The following TMEM94 variants were observed in gnomAD, a reference collection of about 807,000 sequenced individuals.
The protein encoded by TMEM94 is transmembrane protein 94, also known as ER Mg2+ ATPase.
A neutral mutation model predicts 158.6 loss-of-function variants in TMEM94; 81 were observed. The ratio of observed to expected loss-of-function variants is 0.51; its 90% CI spans 0.43 to 0.61. The LOEUF is 0.61. TMEM94 is among the 20% of genes least tolerant of loss of function. The probability of loss-of-function intolerance (pLI) is 0.00; values close to 1 mark genes in which losing one functional copy is unlikely to be tolerated. For synonymous variants in TMEM94, 751 were observed against 730.7 expected (o/e 1.03, Z -0.45); for missense variants, 1,435 against 1,762.0 (o/e 0.81, Z 3.32).
At chr17:75,476,303 G>C (rs539645224) in intron 2 of TMEM94, among the ~76,000 whole-genome samples, 4 of 152,132 alleles carry the variant, frequency 2.6e-5, no homozygotes, top group Non-Finnish European at 5.9e-5. Flanking sequence ...GTGCCCCTCA[G>C]CTAACCCCAC....
chr17:75,470,340 C>T (rs985981212), intron 1 of TMEM94, among the ~76,000 whole-genome samples: 2 of 151,792 alleles, frequency 1.3e-5, no homozygotes, highest in African/African-American at 2.4e-5. Flanking sequence ...ATAGGCTGGG[C>T]GTGGTGGCTC....
At chr17:75,486,501 A>G in intron 5 of TMEM94, 75 bp downstream of exon 5, 1 of 1,580,956 alleles carries the variant, frequency 6.3e-7, no homozygotes, top group Non-Finnish European at 8.6e-7. Flanking sequence ...CCCCTCCTGC[A>G]CCCCAGCACA....
At chr17:75,456,943 C>A (rs1358654232) in intron 1 of TMEM94, among the ~76,000 whole-genome samples, 192 bp downstream of exon 1, 2 of 152,214 alleles carry the variant, frequency 1.3e-5, no homozygotes, top group Non-Finnish European at 2.9e-5. Context: ...CCATTGCCTT[C>A]CCCCGAGTCT....
At position 75,499,708 on chromosome 17, in the gene TMEM94, CA is replaced by C. The variant is rs1259168584; in HGVS notation, c.*375del. 1 of 215,268 alleles carries C rather than the reference CA, an allele frequency of 4.6e-6. No homozygotes were observed. Among genetic ancestry groups the C allele is most frequent in the Non-Finnish European group, 9.4e-6 (1 of 106,262 alleles). 13.3% of individuals were successfully genotyped at this position (215,268 alleles called of 1,614,324 possible). A position where few individuals can be genotyped will look rare whatever the true frequency, so the allele number is the denominator to read the frequency against. On this transcript the variant is annotated 3_prime_UTR_variant, in exon 32 of 32. Transcript: ENST00000314256. ...GTGCCTCTGCTCGTGGGTCCCTGGA[CA>C]CGGCCTTGAAGCCAACCTTCTTTGG...
At position 75,493,872 on chromosome 17, in the gene TMEM94, T is replaced by C. The variant is rs777098690; in HGVS notation, c.2363T>C (p.Ile788Thr). ...IFTMCELPST[I>T]PIKQNARRSS... ...ACCATGTGCGAGCTGCCCAGCACCATCCCCATCAAGCAGAACGCCCGCCGC... is the reference window on the plus strand; with the variant it reads ...ACCATGTGCGAGCTGCCCAGCACCACCCCCATCAAGCAGAACGCCCGCCGC... The change falls in exon 18 of 32, where the codon ATC (isoleucine) becomes ACC (threonine). Residue 788 changes from isoleucine to threonine, a missense_variant. Ile to Thr is a moderately conservative substitution (Grantham distance 89). Around this residue, in one of 3 missense-constraint regions of TMEM94, gnomAD observed 1,051 missense variants for 1,254.4 expected, o/e 0.84. Transcript: ENST00000314256. 9.3e-6 allele frequency: 15 copies of C among 1,612,378 alleles called. No individual in the cohort carries two copies. In the East Asian group the frequency reaches 3.3e-4, roughly 36 times the overall value.
chr17:75,491,490 C>T lies in TMEM94; in HGVS notation c.1386+35C>T, dbSNP rs762521658. 2.1e-5 allele frequency: 34 copies of T among 1,613,480 alleles called. No homozygotes were observed. Among genetic ancestry groups the T allele is most frequent in the East Asian group, 6.7e-5 (3 of 44,884 alleles). ...GAGGTACGGCCGGCTCCCATGGGCC[C>T]GACTCTGGGCCAGGCTGTTTAGCCT... On this transcript the variant is annotated intron_variant, in intron 13 of 31. Transcript: ENST00000314256. The surrounding 1 kb of genome is among the most constrained non-coding windows in gnomAD (Gnocchi z 5.1).
At position 75,486,195 on chromosome 17, in the gene TMEM94, A is replaced by G; in HGVS notation, c.273-95A>G. ...ACCAGAACGGGACAGTCTTTCCACA[A>G]GGGACTGGGGTGGGAAGGGGAGCTG... On this transcript the variant is annotated intron_variant, in intron 4 of 31. Coordinates refer to ENST00000314256, the MANE Select transcript of TMEM94 (RefSeq NM_014738.6). 5 of 1,550,832 alleles carry G rather than the reference A, an allele frequency of 3.2e-6. No homozygotes were observed. The South Asian group carries it at 5.9e-5, about 18-fold the overall frequency.
At chr17:75,478,297 G>A (rs2050866881) in intron 2 of TMEM94, among the ~76,000 whole-genome samples, 1 of 140,868 alleles carries the variant, frequency 7.1e-6, no homozygotes, top group Non-Finnish European at 1.5e-5. Context: ...GATTACAGGC[G>A]TGAGCCACCG....
chr17:75,489,720 TCTC>T lies in TMEM94; in HGVS notation c.954+61_954+63del, dbSNP rs573432228. On this transcript the variant is annotated intron_variant, in intron 9 of 31. Coordinates refer to ENST00000314256, the MANE Select transcript of TMEM94 (RefSeq NM_014738.6). This position sits in a 1 kb window ranked among gnomAD's most constrained non-coding sequence, Gnocchi z 5.0. ...CCCTCCGACCCGCAGGGCTGGCTCT[TCTC>T]CTAGTACCCTGGCTGTCCCTCCCTC... The T allele has an allele frequency of 1.9e-4, 273 of 1,426,374 alleles. 2 individuals are homozygous for T. The African/African-American group carries it at 3.4e-3, about 18-fold the overall frequency. The allele number at this position is 1,426,374 out of a possible 1,614,324, so 88.4% of individuals were successfully genotyped here.
intron 1 of TMEM94, among the ~76,000 whole-genome samples, chr17:75,462,862 CTG>C (rs2050123948): frequency 6.8e-6 from 1 of 146,484 alleles, no homozygotes; most frequent in Non-Finnish European, 1.5e-5. Context: ...TGGCATGTGT[CTG>C]TGGTCCCAGC....
Position 75,499,920 on chromosome 17 carries a change from C to T in TMEM94, c.*586C>T, listed in dbSNP as rs1322952661. ...TTCGCCCTGGAGCCTCTTCCTGTGCCTGGCTCAAGCTGGCTGCCTGTCAGT... is the reference window on the plus strand; with the variant it reads ...TTCGCCCTGGAGCCTCTTCCTGTGCTTGGCTCAAGCTGGCTGCCTGTCAGT... On this transcript the variant is annotated 3_prime_UTR_variant, in exon 32 of 32. Coordinates refer to ENST00000314256, the MANE Select transcript of TMEM94 (RefSeq NM_014738.6). 6.5e-6 allele frequency: 1 copy of T among 154,078 alleles called. No homozygotes were observed. The highest frequency in any genetic ancestry group is 1.4e-5 in the Non-Finnish European group (1 of 69,090). 9.5% of individuals were successfully genotyped at this position (154,078 alleles called of 1,614,324 possible). A position where few individuals can be genotyped will look rare whatever the true frequency, so the allele number is the denominator to read the frequency against.
At position 75,471,884 on chromosome 17, in the gene TMEM94, A is replaced by G. The variant is rs749640119; in HGVS notation, c.-22A>G. 1.2e-6 allele frequency: 2 copies of G among 1,613,922 alleles called. No individual in the cohort carries two copies. Among genetic ancestry groups the G allele is most frequent in the Admixed American group, 1.7e-5 (1 of 60,010 alleles). On this transcript the variant is annotated 5_prime_UTR_variant, in exon 2 of 32. It removes an upstream start codon present in the reference 5' UTR. Coordinates refer to ENST00000314256, the MANE Select transcript of TMEM94 (RefSeq NM_014738.6). ...CAGGGGTGACCACATTCATCTGGGCATGCCTGCAGTACTCTTGGCCCATGG... is the reference window on the plus strand; with the variant it reads ...CAGGGGTGACCACATTCATCTGGGCGTGCCTGCAGTACTCTTGGCCCATGG...
rs1372349861 is a variant in TMEM94 at position 75,500,391 on chromosome 17, G to A, written c.*1057G>A. On this transcript the variant is annotated 3_prime_UTR_variant, in exon 32 of 32. Transcript: ENST00000314256. ...GCAGTCGGGGCTCCTGCTGTGGTCC[G>A]AAGCCCCTCCCCCATTGTGTCCTCT... The A allele has an allele frequency of 2.0e-5, 3 of 152,446 alleles. No individual in the cohort carries two copies. Among genetic ancestry groups the A allele is most frequent in the Non-Finnish European group, 4.4e-5 (3 of 68,228 alleles). 9.4% of individuals were successfully genotyped at this position (152,446 alleles called of 1,614,324 possible). A position where few individuals can be genotyped will look rare whatever the true frequency, so the allele number is the denominator to read the frequency against.
At chr17:75,476,678 A>G in intron 2 of TMEM94, 1 of 1,535,558 alleles carries the variant, frequency 6.5e-7, no homozygotes, top group Non-Finnish European at 8.7e-7. Context: ...CTTGTGGCTC[A>G]GACTCTGGCC....
chr17:75,482,526 ATGTATGTATG>A (rs986386010), intron 2 of TMEM94, among the ~76,000 whole-genome samples: 1 of 14,540 alleles, frequency 6.9e-5, no homozygotes, highest in African/African-American at 1.7e-3. Flanking sequence ...ATATATATAT[ATGTATGTATG>A]TATGTATGTA....
rs1230233393 is a variant in TMEM94, at chr17:75,462,001, G to GTTTTTTTTTTTTTT, written c.-107+5254_-107+5255insTTTTTTTTTTTTTT. Among the ~76,000 whole-genome samples, 28 of 85,690 alleles carry GTTTTTTTTTTTTTT rather than the reference G, an allele frequency of 3.3e-4. 5 individuals are homozygous for GTTTTTTTTTTTTTT. Among genetic ancestry groups the GTTTTTTTTTTTTTT allele is most frequent in the South Asian group, 4.1e-4 (1 of 2,466 alleles). The allele number at this position is 85,690 out of a possible 152,430, so 56.2% of individuals were successfully genotyped here. A position where few individuals can be genotyped will look rare whatever the true frequency, so the allele number is the denominator to read the frequency against. ...TAAATTTTACAGTTTTTTTTGTTTT[G>GTTTTTTTTTTTTTT]TTTTGTTTTGTTTTTTTTTTTTTTG... On this transcript the variant is annotated intron_variant, in intron 1 of 31. Transcript: ENST00000314256.
In TMEM94 at chr17:75,464,705, TTCCTC is replaced by T. The variant is rs1223766062; in HGVS notation, c.-106-7093_-106-7089del. 5.0e-5 allele frequency among the ~76,000 whole-genome samples: 7 copies of T among 140,132 alleles called. 1 individual carries two copies. Among genetic ancestry groups the T allele is most frequent in the African/African-American group, 7.9e-5 (3 of 38,182 alleles). 91.9% of individuals were successfully genotyped at this position (140,132 alleles called of 152,430 possible). A position where few individuals can be genotyped will look rare whatever the true frequency, so the allele number is the denominator to read the frequency against. ...TTTCTTTCTTTCTTTCTTTCTTTCT[TTCCTC>T]TTTTCTTTCTTTCTTGAGACGGAGT... is the stretch of plus-strand genomic sequence containing the variant. On this transcript the variant is annotated intron_variant, in intron 1 of 31. Transcript: ENST00000314256.
chr17:75,466,674 C>T (rs975973875), intron 1 of TMEM94, among the ~76,000 whole-genome samples: 10 of 151,922 alleles, frequency 6.6e-5, no homozygotes, highest in East Asian at 1.9e-4. Flanking sequence ...AAAAATTAGC[C>T]GGCCATGGTG....
intron 1 of TMEM94, among the ~76,000 whole-genome samples, chr17:75,462,006 G>GTTTTTTTTTTTT (rs1319139834): frequency 2.4e-4 from 24 of 100,438 alleles, no homozygotes; most frequent in Middle Eastern, 9.8e-3. Flanking sequence ...GTTTTGTTTT[G>GTTTTTTTTTTTT]TTTTGTTTTT....
Sources: allele counts gnomAD v4.1 joint callset (sites outside exome capture counted in the v4.1 genomes callset), GRCh38; gene constraint gnomAD v4.1.1; regional missense constraint gnomAD v4.1.1; non-coding constraint Gnocchi (gnomAD v3.1); transcripts MANE v1.5; gene names NCBI Gene and HGNC (gene_info 2026-07-23, HGNC 2026-07-21).